Variants in MMP16 observed in about 807,000 individuals in gnomAD.
MMP16 encodes matrix metallopeptidase 16, also known as matrix metalloproteinase-16.
A neutral mutation model predicts 67.8 loss-of-function variants in MMP16; 12 were observed. That is an observed-to-expected ratio of 0.18 (90% CI 0.11 to 0.29). MMP16 has a LOEUF of 0.29. MMP16 is among the 10% of genes least tolerant of loss of function. The pLI is 1.00. For synonymous variants in MMP16, 249 were observed against 255.9 expected (o/e 0.97, Z 0.26); for missense variants, 475 against 765.7 (o/e 0.62, Z 4.48).
intron 4 of MMP16, among the ~76,000 whole-genome samples, chr8:88,156,874 T>C (rs1229221964): frequency 2.0e-5 from 3 of 152,102 alleles, no homozygotes; most frequent in Non-Finnish European, 4.4e-5. Flanking sequence ...GAAATAACAG[T>C]AGCTAAATAA....
chr8:88,233,544 T>C (rs1279286205), intron 1 of MMP16, among the ~76,000 whole-genome samples: 3 of 152,234 alleles, frequency 2.0e-5, no homozygotes, highest in African/African-American at 7.2e-5. Flanking sequence ...TCTTTCATGA[T>C]GCAAGTCTGA....
intron 7 of MMP16, among the ~76,000 whole-genome samples, chr8:88,063,748 C>A (rs1369507963): frequency 6.6e-6 from 1 of 151,998 alleles, no homozygotes; most frequent in Non-Finnish European, 1.5e-5. Flanking sequence ...GCTTATCTTA[C>A]TATGCAAAAT....
At chr8:88,162,381 G>A (rs1341803744) in intron 4 of MMP16, among the ~76,000 whole-genome samples, 2 of 152,006 alleles carry the variant, frequency 1.3e-5, no homozygotes, top group East Asian at 3.9e-4. Flanking sequence ...TCTGTAATGG[G>A]TGTGAAAGCC....
intron 1 of MMP16, among the ~76,000 whole-genome samples, chr8:88,213,851 C>T (rs1431770954): frequency 6.6e-6 from 1 of 152,132 alleles, no homozygotes; most frequent in Non-Finnish European, 1.5e-5. Flanking sequence ...TTCTCCTTCT[C>T]TTTCTGTTTC....
rs58774675 is a variant in MMP16 at position 88,191,229 on chromosome 8, C to T, written c.282-4631G>A. Among the ~76,000 whole-genome samples the T allele has an allele frequency of 3.8e-3, 574 of 152,208 alleles. 2 individuals are homozygous for T. Among genetic ancestry groups the T allele is most frequent in the African/African-American group, 0.013 (553 of 41,542 alleles). On this transcript the variant is annotated intron_variant, in intron 2 of 9. Coordinates refer to ENST00000286614, the MANE Select transcript of MMP16 (RefSeq NM_005941.5). Reference sequence around the variant, plus strand: ...CTGGTGCCATACTGTAGAGTTACCTCGCTGACTCAATAGTCCTATGACAAT... The same window carrying T: ...CTGGTGCCATACTGTAGAGTTACCTTGCTGACTCAATAGTCCTATGACAAT...
At chr8:88,126,894 T>C (rs532550458) in intron 4 of MMP16, among the ~76,000 whole-genome samples, 2 of 151,914 alleles carry the variant, frequency 1.3e-5, no homozygotes, top group African/African-American at 4.8e-5. Flanking sequence ...TTCTAGAATA[T>C]AGTTTACTGC....
At chr8:88,310,106 C>A (rs1811272973) in intron 1 of MMP16, among the ~76,000 whole-genome samples, 1 of 152,038 alleles carries the variant, frequency 6.6e-6, no homozygotes, top group Non-Finnish European at 1.5e-5. Context: ...GTAATAACTA[C>A]AACTGAAGTC....
Position 88,223,174 on chromosome 8 carries a change from A to ATT in MMP16, c.133-25869_133-25868insAA, listed in dbSNP as rs575331081. 1.6e-3 allele frequency among the ~76,000 whole-genome samples: 240 copies of ATT among 152,308 alleles called. 2 individuals carry two copies. Among genetic ancestry groups the ATT allele is most frequent in the African/African-American group, 5.6e-3 (232 of 41,564 alleles). On this transcript the variant is annotated intron_variant, in intron 1 of 9. Coordinates refer to ENST00000286614, the MANE Select transcript of MMP16 (RefSeq NM_005941.5). ...TCTCACACCAGTTAGAATGGTGATC[A>ATT]CTAAAAAGTCAGGAAACAACAGGTG...
chr8:88,236,483 A>ACAGT (rs2129886812), intron 1 of MMP16, among the ~76,000 whole-genome samples: 1 of 152,240 alleles, frequency 6.6e-6, no homozygotes, highest in Admixed American at 6.5e-5. Context: ...AGGGCCAGGC[A>ACAGT]CAGTGGCTCA....
At chr8:88,179,406 A>T (rs1808943605) in intron 3 of MMP16, among the ~76,000 whole-genome samples, 1 of 151,978 alleles carries the variant, frequency 6.6e-6, no homozygotes, top group African/African-American at 2.4e-5. Context: ...GACAAATAAA[A>T]ACTAAAAACA....
At chr8:88,083,947 C>G (rs1027505332) in intron 6 of MMP16, among the ~76,000 whole-genome samples, 1 of 151,990 alleles carries the variant, frequency 6.6e-6, no homozygotes, top group Non-Finnish European at 1.5e-5. Context: ...GATTCACATG[C>G]AATTATAAGA....
chr8:88,302,593 G>T (rs2130046204), intron 1 of MMP16, among the ~76,000 whole-genome samples: 1 of 152,220 alleles, frequency 6.6e-6, no homozygotes, highest in South Asian at 2.1e-4. Context: ...ACAGAGAAAA[G>T]AAGGGGATGA....
intron 1 of MMP16, among the ~76,000 whole-genome samples, chr8:88,239,294 CA>C (rs34599512): frequency 1.0e-3 from 83 of 80,518 alleles, no homozygotes; most frequent in African/African-American, 4.3e-3. Flanking sequence ...GACGCAGTCT[CA>C]AAAAAAAAAA....
chr8:88,287,974 GCC>G lies in MMP16; in HGVS notation c.132+39099_132+39100del, dbSNP rs898735175. ...CAGTCAAACTTCAGAGTCTGATTAA[GCC>G]CCTTGAGTGAATAAAGATACTCATA... On this transcript the variant is annotated intron_variant, in intron 1 of 9. Transcript: ENST00000286614. 1.8e-4 allele frequency among the ~76,000 whole-genome samples: 28 copies of G among 152,184 alleles called. 1 individual carries two copies. Among genetic ancestry groups the G allele is most frequent in the Admixed American group, 1.7e-3 (26 of 15,286 alleles).
chr8:88,207,402 GAGA>G (rs138449878), intron 1 of MMP16, among the ~76,000 whole-genome samples: 5,239 of 152,234 alleles, frequency 0.034, 215 homozygotes, highest in African/African-American at 0.1. Flanking sequence ...ATCTCTCTGT[GAGA>G]AGTTGTCTCT....
intron 1 of MMP16, among the ~76,000 whole-genome samples, chr8:88,283,970 A>G (rs971181409): frequency 6.6e-6 from 1 of 152,218 alleles, no homozygotes; most frequent in African/African-American, 2.4e-5. Flanking sequence ...GCATTGAATA[A>G]ATGTTGAAAC....
chr8:88,227,149 CTG>C (rs1436935874), intron 1 of MMP16, among the ~76,000 whole-genome samples: 1 of 151,924 alleles, frequency 6.6e-6, no homozygotes, highest in Non-Finnish European at 1.5e-5. Context: ...TGAGATCACA[CTG>C]TGTCTCACAA....
At chr8:88,131,910 G>C (rs1808036810) in intron 4 of MMP16, among the ~76,000 whole-genome samples, 1 of 151,806 alleles carries the variant, frequency 6.6e-6, no homozygotes, top group South Asian at 2.1e-4. Flanking sequence ...GGATGGTCAA[G>C]GTTAACACAT....
At chr8:88,235,408 A>AG (rs1809925076) in intron 1 of MMP16, among the ~76,000 whole-genome samples, 2 of 144,550 alleles carry the variant, frequency 1.4e-5, no homozygotes, top group African/African-American at 5.0e-5. Context: ...AAAAAAAAAA[A>AG]TCAAACTAGG....
Sources: gnomAD v4.1 joint callset for allele counts (sites outside exome capture counted in the v4.1 genomes callset) on GRCh38, gnomAD v4.1.1 for gene constraint, MANE v1.5 for transcripts, NCBI Gene and HGNC (gene_info 2026-07-23, HGNC 2026-07-21) for gene names.